Variants in CSMD3 observed in about 807,000 individuals in gnomAD.
CSMD3 encodes the protein CUB and sushi domain-containing protein 3.
In CSMD3, 177 loss-of-function variants were observed where a neutral mutation model predicts 435.2. That is an observed-to-expected ratio of 0.41 (90% CI 0.36 to 0.46). CSMD3 has a LOEUF of 0.46. Ranked by LOEUF, CSMD3 falls within the 20% of genes least tolerant of loss-of-function variation. The pLI is 0.34. For missense variants in CSMD3, 4,265 were observed against 4,504.6 expected (o/e 0.95, Z 1.52); for synonymous variants, 1,656 against 1,520.5 (o/e 1.09, Z -2.07).
intron 3 of CSMD3, among the ~76,000 whole-genome samples, chr8:113,227,258 T>C (rs2356203): frequency 0.68 from 102,235 of 151,426 alleles, 36,449 homozygotes; most frequent in East Asian, 0.95. Context: ...TAAAATAATG[T>C]TAATAGCAAA....
At chr8:113,228,262 C>T (rs116241590) in intron 3 of CSMD3, among the ~76,000 whole-genome samples, 169 of 151,602 alleles carry the variant, frequency 1.1e-3, no homozygotes, top group African/African-American at 3.9e-3. Context: ...TCCACCTTCC[C>T]CTATCTCTGC....
At chr8:113,106,120 T>A (rs2090467574) in intron 4 of CSMD3, among the ~76,000 whole-genome samples, 2 of 152,054 alleles carry the variant, frequency 1.3e-5, no homozygotes. Context: ...GATTTTTATA[T>A]TTTTAAAGGA....
chr8:112,568,857 G>C (rs187338477), intron 24 of CSMD3, among the ~76,000 whole-genome samples: 1 of 151,882 alleles, frequency 6.6e-6, no homozygotes, highest in Non-Finnish European at 1.5e-5. Flanking sequence ...TTTAATATTC[G>C]TGACAGCTGT....
intron 3 of CSMD3, among the ~76,000 whole-genome samples, chr8:113,266,126 A>G (rs2093468616): frequency 6.6e-6 from 1 of 150,718 alleles, no homozygotes; most frequent in Non-Finnish European, 1.5e-5. Context: ...ATTAAATTTC[A>G]TGATACTGCC....
At chr8:113,228,525 G>T (rs2093051907) in intron 3 of CSMD3, among the ~76,000 whole-genome samples, 1 of 151,224 alleles carries the variant, frequency 6.6e-6, no homozygotes, top group Non-Finnish European at 1.5e-5. Flanking sequence ...CTCACAGAAT[G>T]CCATGAAAAG....
At chr8:112,652,781 T>C (rs917640728) in intron 18 of CSMD3, among the ~76,000 whole-genome samples, 1 of 152,228 alleles carries the variant, frequency 6.6e-6, no homozygotes, top group Non-Finnish European at 1.5e-5. Flanking sequence ...TAGTCATTAC[T>C]GAATACTAAA....
chr8:113,334,842 T>C (rs766011418), intron 1 of CSMD3, among the ~76,000 whole-genome samples: 1 of 152,130 alleles, frequency 6.6e-6, no homozygotes, highest in Non-Finnish European at 1.5e-5. Context: ...GTCCAATTGA[T>C]GTGTATAGAA....
intron 12 of CSMD3, among the ~76,000 whole-genome samples, chr8:112,817,681 T>A (rs994555444): frequency 6.6e-6 from 1 of 150,518 alleles, no homozygotes; most frequent in African/African-American, 2.4e-5. Flanking sequence ...ATAATAGAGA[T>A]AGAGAGAGAG....
At chr8:112,563,957 C>T (rs933605333) in intron 24 of CSMD3, among the ~76,000 whole-genome samples, 3 of 151,974 alleles carry the variant, frequency 2.0e-5, no homozygotes, top group African/African-American at 7.2e-5. Flanking sequence ...AATCATCACA[C>T]TTTTAAACTA....
At chr8:112,945,545 G>T (rs1407631185) in intron 9 of CSMD3, among the ~76,000 whole-genome samples, 2 of 151,160 alleles carry the variant, frequency 1.3e-5, no homozygotes, top group Admixed American at 1.3e-4. Flanking sequence ...CCCTAAAAGT[G>T]TGTAGGTTTA....
Position 112,241,801 on chromosome 8 carries a change from A to G in CSMD3, c.10403-16T>C. On this transcript the variant is annotated splice_polypyrimidine_tract_variant and intron_variant, in intron 65 of 70. Transcript: ENST00000297405. ...TTAGAACCAGCTATGAAAAGAAATA[A>G]AGGTGTTTACAAAAGTTGATGCAAT... is the stretch of plus-strand genomic sequence containing the variant. 6.3e-7 allele frequency: 1 copy of G among 1,593,824 alleles called. No individual in the cohort carries two copies. Among genetic ancestry groups the G allele is most frequent in the Non-Finnish European group, 8.6e-7 (1 of 1,162,500 alleles).
chr8:113,301,867 G>A (rs567063054), intron 2 of CSMD3, among the ~76,000 whole-genome samples: 9 of 152,048 alleles, frequency 5.9e-5, no homozygotes, highest in African/African-American at 2.2e-4. Context: ...ATATCCTTCA[G>A]ATGTATGTCA....
At chr8:112,916,586 T>A (rs1654022065) in intron 10 of CSMD3, among the ~76,000 whole-genome samples, 1 of 151,954 alleles carries the variant, frequency 6.6e-6, no homozygotes. Context: ...CATCATTTCA[T>A]CTGTAAGAAT....
intron 11 of CSMD3, among the ~76,000 whole-genome samples, chr8:112,838,794 A>T (rs890838161): frequency 1.3e-5 from 2 of 151,830 alleles, no homozygotes; most frequent in Non-Finnish European, 3.0e-5. Context: ...TATATGGAAA[A>T]TTCATGTTAA....
chr8:112,875,973 G>A lies in CSMD3; in HGVS notation c.1634-16707C>T, dbSNP rs73344090. On this transcript the variant is annotated intron_variant, in intron 10 of 70. Transcript: ENST00000297405. ...TTTTGTTCCCTTGCTGGAGAACAAT[G>A]ATCCTTTGGAAAATAAGAGGCATTC... is the stretch of plus-strand genomic sequence containing the variant. Among the ~76,000 whole-genome samples, 1,220 of 152,132 alleles carry A rather than the reference G, an allele frequency of 8.0e-3. 25 individuals carry two copies. Among genetic ancestry groups the A allele is most frequent in the African/African-American group, 0.028 (1,156 of 41,520 alleles).
chr8:112,858,313 C>G (rs2080724565), intron 11 of CSMD3, among the ~76,000 whole-genome samples: 1 of 151,662 alleles, frequency 6.6e-6, no homozygotes, highest in South Asian at 2.1e-4. Flanking sequence ...GAAACAACAT[C>G]AGAGAGGTTA....
intron 22 of CSMD3, among the ~76,000 whole-genome samples, chr8:112,592,529 A>C (rs1831283335): frequency 6.6e-6 from 1 of 151,964 alleles, no homozygotes; most frequent in Non-Finnish European, 1.5e-5. Context: ...CATTTTCTAT[A>C]ATCATTTTTT....
At chr8:112,370,082 A>AAGAAGAAGAGGAAGAAGAAGAAGT (rs1285510394) in intron 38 of CSMD3, among the ~76,000 whole-genome samples, 1 of 103,454 alleles carries the variant, frequency 9.7e-6, no homozygotes, top group African/African-American at 3.7e-5. Context: ...GAAGAAGAAG[A>AAGAAGAAGAGGAAGAAGAAGAAGT]AGTAGTAGTA....
intron 6 of CSMD3, among the ~76,000 whole-genome samples, chr8:112,979,674 T>C (rs562290766): frequency 6.6e-6 from 1 of 151,660 alleles, no homozygotes; most frequent in Non-Finnish European, 1.5e-5. Flanking sequence ...GTAAGCATTG[T>C]CTGACAGCAC....
Sources: allele counts gnomAD v4.1 joint callset (sites outside exome capture counted in the v4.1 genomes callset), GRCh38; gene constraint gnomAD v4.1.1; transcripts MANE v1.5; gene names NCBI Gene and HGNC (gene_info 2026-07-23, HGNC 2026-07-21).